The following PRKG1 variants were observed in gnomAD, a reference collection of about 807,000 sequenced individuals.
PRKG1 encodes cGMP-dependent protein kinase 1.
Under a neutral mutation model 88.1 loss-of-function variants are expected in PRKG1, and 35 were observed. The ratio of observed to expected loss-of-function variants is 0.40; its 90% CI spans 0.30 to 0.53. The LOEUF (loss-of-function observed/expected upper bound fraction) is 0.53. PRKG1 is among the 20% of genes least tolerant of loss of function. PRKG1 has a pLI of 0.59. For missense variants in PRKG1, 540 were observed against 839.8 expected (o/e 0.64, Z 4.41); for synonymous variants, 303 against 292.5 (o/e 1.04, Z -0.37).
At chr10:52,185,124 T>C (rs1312323254) in intron 9 of PRKG1, 2 of 152,200 alleles carry the variant, frequency 1.3e-5, no homozygotes, top group African/African-American at 4.8e-5. Context: ...TCCAAAGTCT[T>C]AAGTCTTATC....
chr10:51,782,724 T>C (rs982645521), intron 3 of PRKG1, among the ~76,000 whole-genome samples: 1 of 152,022 alleles, frequency 6.6e-6, no homozygotes, highest in Non-Finnish European at 1.5e-5. Context: ...TTATCAGGGG[T>C]TTCCACTTTT....
At chr10:51,124,490 T>G (rs953881006) in intron 1 of PRKG1, among the ~76,000 whole-genome samples, 2 of 152,088 alleles carry the variant, frequency 1.3e-5, no homozygotes, top group Non-Finnish European at 2.9e-5. Flanking sequence ...GACCCATGTT[T>G]GTGGGTGTGG....
intron 2 of PRKG1, among the ~76,000 whole-genome samples, chr10:51,172,754 A>G (rs1225042866): frequency 6.6e-6 from 1 of 151,976 alleles, no homozygotes; most frequent in Admixed American, 6.6e-5. Flanking sequence ...TTTTCCAAAT[A>G]CCTTCAATGG....
chr10:52,058,786 A>G (rs1846169249), intron 6 of PRKG1, among the ~76,000 whole-genome samples: 1 of 152,000 alleles, frequency 6.6e-6, no homozygotes, highest in African/African-American at 2.4e-5. Context: ...ACAATCCATA[A>G]AGAAAAATGA....
In PRKG1 at chr10:52,291,701, C is replaced by T. The variant is rs9731099; in HGVS notation, c.1962+1411C>T. On this transcript the variant is annotated intron_variant, in intron 17 of 17. Transcript: ENST00000373980. ...AAGTCTTTGCTATTGTGAATAGTGCCGCAATAAACATACGTGTGCATGTGT... is the reference window on the plus strand; with the variant it reads ...AAGTCTTTGCTATTGTGAATAGTGCTGCAATAAACATACGTGTGCATGTGT... Among the ~76,000 whole-genome samples the T allele has an allele frequency of 3.0e-3, 457 of 151,888 alleles. 8 individuals carry two copies. Among genetic ancestry groups the T allele is most frequent in the Non-Finnish European group, 4.5e-3 (305 of 67,972 alleles).
At chr10:51,840,735 G>A (rs118168873) in intron 4 of PRKG1, among the ~76,000 whole-genome samples, 4,438 of 151,982 alleles carry the variant, frequency 0.029, 105 homozygotes, top group Non-Finnish European at 0.044. Flanking sequence ...TAGCAGAGAC[G>A]GGGTTTTGCC....
chr10:51,897,796 G>A (rs1431954887), intron 4 of PRKG1, among the ~76,000 whole-genome samples: 2 of 151,792 alleles, frequency 1.3e-5, no homozygotes, highest in African/African-American at 4.8e-5. Context: ...TCATGCAGTG[G>A]ACTCTCATCT....
At chr10:51,621,780 TAA>T (rs1339804587) in intron 3 of PRKG1, among the ~76,000 whole-genome samples, 1 of 152,260 alleles carries the variant, frequency 6.6e-6, no homozygotes, top group Non-Finnish European at 1.5e-5. Flanking sequence ...ACTTGATTCC[TAA>T]GTTACACCAG....
chr10:51,181,641 G>T (rs995576791), intron 2 of PRKG1, among the ~76,000 whole-genome samples: 6 of 152,182 alleles, frequency 3.9e-5, no homozygotes, highest in Non-Finnish European at 7.3e-5. Flanking sequence ...TACATTTAGT[G>T]ATACTCACCA....
intron 3 of PRKG1, among the ~76,000 whole-genome samples, chr10:51,772,785 T>G (rs1021332931): frequency 6.6e-6 from 1 of 152,118 alleles, no homozygotes; most frequent in Non-Finnish European, 1.5e-5. Flanking sequence ...TCCATTAGAA[T>G]AATAATTATT....
chr10:51,144,349 T>G (rs898918410), intron 1 of PRKG1, among the ~76,000 whole-genome samples: 1 of 152,134 alleles, frequency 6.6e-6, no homozygotes, highest in African/African-American at 2.4e-5. Flanking sequence ...TACCTGTCAC[T>G]TACTATTGTG....
chr10:51,168,199 T>C (rs1280769109), intron 2 of PRKG1, among the ~76,000 whole-genome samples: 1 of 152,114 alleles, frequency 6.6e-6, no homozygotes, highest in African/African-American at 2.4e-5. Context: ...AATAGCACTA[T>C]CTTTTTTGTC....
At chr10:52,103,508 A>G (rs1030086679) in intron 7 of PRKG1, among the ~76,000 whole-genome samples, 2 of 152,240 alleles carry the variant, frequency 1.3e-5, no homozygotes, top group East Asian at 1.9e-4. Flanking sequence ...TCTTTTCTTT[A>G]TGACTTTAAC....
intron 9 of PRKG1, among the ~76,000 whole-genome samples, chr10:52,213,481 C>T (rs11819619): frequency 6.6e-6 from 1 of 152,154 alleles, no homozygotes. Context: ...AGGAAGAGTC[C>T]ATTTTAACAT....
intron 3 of PRKG1, among the ~76,000 whole-genome samples, chr10:51,718,763 AC>A (rs1841944263): frequency 6.6e-6 from 1 of 152,016 alleles, no homozygotes; most frequent in South Asian, 2.1e-4. Context: ...AAGGATGGTT[AC>A]CAGAGGCTGG....
chr10:51,257,254 T>G (rs1282328262), intron 2 of PRKG1, among the ~76,000 whole-genome samples: 4 of 151,232 alleles, frequency 2.6e-5, no homozygotes, highest in Non-Finnish European at 4.4e-5. Flanking sequence ...GAGATGCCCA[T>G]CAGACAGCTG....
At chr10:52,231,668 AATAG>A (rs1287237235) in intron 9 of PRKG1, among the ~76,000 whole-genome samples, 2 of 152,188 alleles carry the variant, frequency 1.3e-5, no homozygotes, top group African/African-American at 4.8e-5. Context: ...TGGATTTAAG[AATAG>A]ATAGATAGTA....
chr10:50,998,804 T>G (rs1166281013), intron 1 of PRKG1, among the ~76,000 whole-genome samples: 1 of 152,206 alleles, frequency 6.6e-6, no homozygotes, highest in East Asian at 1.9e-4. Context: ...ATTTGCACCC[T>G]GCAAAATGGA....
intron 10 of PRKG1, among the ~76,000 whole-genome samples, chr10:52,255,358 A>C (rs1841282955): frequency 6.6e-6 from 1 of 152,086 alleles, no homozygotes; most frequent in Non-Finnish European, 1.5e-5. Context: ...GCTTTTCAGA[A>C]TAGATTTGTA....
Sources: gnomAD v4.1 joint callset for allele counts (sites outside exome capture counted in the v4.1 genomes callset) on GRCh38, gnomAD v4.1.1 for gene constraint, MANE v1.5 for transcripts, NCBI Gene and HGNC (gene_info 2026-07-23, HGNC 2026-07-21) for gene names.